The following POU2F2 variants were observed in gnomAD, a reference collection of about 807,000 sequenced individuals.
The protein encoded by POU2F2 is POU domain, class 2, transcription factor 2.
A neutral mutation model predicts 63.5 loss-of-function variants in POU2F2; 14 were observed. The observed-to-expected ratio is 0.22, with a 90% CI of 0.15 to 0.34. The LOEUF (loss-of-function observed/expected upper bound fraction) is 0.34, where lower values mean the gene tolerates loss of function less well. Among genes scored for constraint, POU2F2 ranks in the 10% least tolerant of loss-of-function variants. POU2F2 has a pLI of 1.00. For missense variants in POU2F2, 607 were observed against 815.2 expected (o/e 0.74, Z 3.11); for synonymous variants, 306 against 348.6 (o/e 0.88, Z 1.36).
chr19:42,106,821 AAGGAGGAGG>A (rs1174329371), intron 5 of POU2F2, among the ~76,000 whole-genome samples: 1 of 147,198 alleles, frequency 6.8e-6, no homozygotes, highest in South Asian at 2.1e-4. Flanking sequence ...GGAGGAGGAG[AAGGAGGAGG>A]AGGAGGAGCA....
upstream of POU2F2, chr19:42,132,676 G>A (rs954523850): frequency 1.3e-5 from 5 of 396,812 alleles, no homozygotes; most frequent in Non-Finnish European, 2.2e-5. Context: ...GATCCAAGAG[G>A]TGCCTGCAAC....
intron 11 of POU2F2, among the ~76,000 whole-genome samples, chr19:42,094,434 C>T (rs2076844647): frequency 6.6e-6 from 1 of 152,158 alleles, no homozygotes; most frequent in African/African-American, 2.4e-5. Flanking sequence ...CTTGGCCACC[C>T]CACCTCCAGT....
upstream of POU2F2, chr19:42,137,028 G>C (rs1229644745): frequency 6.6e-6 from 1 of 152,204 alleles, no homozygotes; most frequent in Non-Finnish European, 1.5e-5. Context: ...CTGAGAGGAA[G>C]ACTGGAGTGG....
At chr19:42,171,469 T>TGC (rs1568423066) in intron 1 of POU2F2, among the ~76,000 whole-genome samples, 2 of 148,466 alleles carry the variant, frequency 1.3e-5, no homozygotes, top group African/African-American at 2.5e-5. Flanking sequence ...TGTGTGTGTG[T>TGC]GCACTTTAAT....
chr19:42,145,360 C>G (rs1458142943), intron 2 of POU2F2, among the ~76,000 whole-genome samples: 1 of 152,214 alleles, frequency 6.6e-6, no homozygotes, highest in Admixed American at 6.5e-5. Flanking sequence ...ACCACTCAGC[C>G]TCTCTGTGCC....
chr19:42,091,631 G>A (rs1250973876), intron 14 of POU2F2, 40 bp from the exon 15 acceptor site: 1 of 1,542,504 alleles, frequency 6.5e-7, no homozygotes, highest in Non-Finnish European at 8.8e-7. Flanking sequence ...GGGCATGCCG[G>A]GCCAGGGGAG....
rs1299534172 is a variant in POU2F2 at position 42,099,840 on chromosome 19, G to A, written c.370-19C>T. On this transcript the variant is annotated intron_variant, in intron 5 of 14. Transcript: ENST00000692977. ...GTATGTCCTGGCAGGGAGTGGGGTG[G>A]ACAGAAAGATAGCCTGAGTCCTGGC... 1 of 1,546,308 alleles carries A rather than the reference G, an allele frequency of 6.5e-7. No individual in the cohort carries two copies. Among genetic ancestry groups the A allele is most frequent in the Admixed American group, 1.9e-5 (1 of 51,284 alleles).
At chr19:42,182,650 G>C (rs986322083) in intron 1 of POU2F2, among the ~76,000 whole-genome samples, 3 of 152,150 alleles carry the variant, frequency 2.0e-5, no homozygotes, top group African/African-American at 7.2e-5. Flanking sequence ...GAGAAAGGAA[G>C]AGGAATCACA....
chr19:42,116,005 A>G (rs2031801530), intron 5 of POU2F2, among the ~76,000 whole-genome samples: 1 of 152,232 alleles, frequency 6.6e-6, no homozygotes, highest in South Asian at 2.1e-4. Flanking sequence ...TGACAGCACC[A>G]TCGGAAGCCA....
rs1274469856 is a variant in POU2F2 at position 42,096,504 on chromosome 19, C to T, written c.568-261G>A. Among the ~76,000 whole-genome samples the T allele has an allele frequency of 2.6e-5, 4 of 152,320 alleles. No homozygotes were observed. In the East Asian group the frequency reaches 5.8e-4, roughly 22 times the overall value. ...GACTCTCTGCACTGTCCCTTCACGC[C>T]TGCGAACTCCCAGAAGGAGCAGCCA... On this transcript the variant is annotated intron_variant, in intron 7 of 14. Coordinates refer to ENST00000692977, the MANE Select transcript of POU2F2 (RefSeq NM_001394376.1). This position sits in a 1 kb window ranked among gnomAD's most constrained non-coding sequence, Gnocchi z 4.1.
chr19:42,093,009 ATT>A (rs1201422267), intron 12 of POU2F2, among the ~76,000 whole-genome samples: 2,115 of 46,686 alleles, frequency 0.045, 15 homozygotes, highest in Middle Eastern at 0.14. Flanking sequence ...ATATATATAT[ATT>A]TTTTTTTTTT....
At chr19:42,147,365 G>A (rs1218640595) in intron 2 of POU2F2, among the ~76,000 whole-genome samples, 1 of 152,104 alleles carries the variant, frequency 6.6e-6, no homozygotes, top group Non-Finnish European at 1.5e-5. Flanking sequence ...AATCCTACTC[G>A]TCTTTTAAGG....
chr19:42,116,062 G>A lies in POU2F2; in HGVS notation c.369+1188C>T, dbSNP rs371381740. 2.8e-4 allele frequency among the ~76,000 whole-genome samples: 43 copies of A among 152,278 alleles called. No individual in the cohort carries two copies. The East Asian group carries it at 5.0e-3, about 18-fold the overall frequency. ...CCCTGGGAGGCTTCAGAGAGAGCAC[G>A]GCCCTGCCGATACCTTGAGTTTGGA... On this transcript the variant is annotated intron_variant, in intron 5 of 14. Coordinates refer to ENST00000692977, the MANE Select transcript of POU2F2 (RefSeq NM_001394376.1).
upstream of POU2F2, among the ~76,000 whole-genome samples, chr19:42,179,636 T>C (rs1464578011): frequency 1.3e-5 from 2 of 152,012 alleles, no homozygotes; most frequent in Non-Finnish European, 2.9e-5. Context: ...GGCTACCCCA[T>C]GCATACTGAG....
Position 42,095,198 on chromosome 19 carries a change from G to C in POU2F2, c.1197+88C>G, listed in dbSNP as rs2076871825. The C allele has an allele frequency of 6.9e-7, 1 of 1,439,138 alleles. No homozygotes were observed. Among genetic ancestry groups the C allele is most frequent in the Non-Finnish European group, 9.3e-7 (1 of 1,074,754 alleles). The allele number at this position is 1,439,138 out of a possible 1,614,324, so 89.1% of individuals were successfully genotyped here. ...GTGACTCTTCTTGTCTCTGTTCTAG[G>C]CTCTGTGGACAACCAGGTAGGGTGG... On this transcript the variant is annotated intron_variant, in intron 11 of 14. Transcript: ENST00000692977. This position sits in a 1 kb window ranked among gnomAD's most constrained non-coding sequence, Gnocchi z 7.1.
chr19:42,170,953 C>T (rs1599710688), intron 1 of POU2F2, among the ~76,000 whole-genome samples: 1 of 152,384 alleles, frequency 6.6e-6, no homozygotes, highest in South Asian at 2.1e-4. Flanking sequence ...CCAGCCATCT[C>T]GGCCATCAGC....
intron 1 of POU2F2, among the ~76,000 whole-genome samples, chr19:42,194,758 CAAAAAAAAAA>C (rs71167389): frequency 2.8e-3 from 60 of 21,734 alleles, no homozygotes; most frequent in Non-Finnish European, 3.6e-3. Flanking sequence ...GACTCTGTCT[CAAAAAAAAAA>C]AAAAAAAAAA....
chr19:42,099,828 G>T lies in POU2F2; in HGVS notation c.370-7C>A. 1.3e-6 allele frequency: 2 copies of T among 1,555,520 alleles called. No individual in the cohort carries two copies. ...GGAGGAGCTGCTGTATGTCCTGGCAGGGAGTGGGGTGGACAGAAAGATAGC... is the reference window on the plus strand; with the variant it reads ...GGAGGAGCTGCTGTATGTCCTGGCATGGAGTGGGGTGGACAGAAAGATAGC... On this transcript the variant is annotated splice_polypyrimidine_tract_variant and splice_region_variant and intron_variant, in intron 5 of 14. Coordinates refer to ENST00000692977, the MANE Select transcript of POU2F2 (RefSeq NM_001394376.1).
In POU2F2 at chr19:42,092,962, A is replaced by C. The variant is rs1201651220; in HGVS notation, c.1265-692T>G. ...TATATATATTATGTGTATATATATT[A>C]TGCATATATATATTATGTGTGTGTG... On this transcript the variant is annotated intron_variant, in intron 12 of 14. Transcript: ENST00000692977. This position sits in a 1 kb window ranked among gnomAD's most constrained non-coding sequence, Gnocchi z 5.0. 1.4e-5 allele frequency among the ~76,000 whole-genome samples: 2 copies of C among 140,252 alleles called. No homozygotes were observed. Among genetic ancestry groups the C allele is most frequent in the Admixed American group, 7.2e-5 (1 of 13,824 alleles). 92.0% of individuals were successfully genotyped at this position (140,252 alleles called of 152,430 possible). A position where few individuals can be genotyped will look rare whatever the true frequency, so the allele number is the denominator to read the frequency against.
Sources: allele counts gnomAD v4.1 joint callset (sites outside exome capture counted in the v4.1 genomes callset), GRCh38; gene constraint gnomAD v4.1.1; non-coding constraint Gnocchi (gnomAD v3.1); transcripts MANE v1.5; gene names NCBI Gene and HGNC (gene_info 2026-07-23, HGNC 2026-07-21).